The following UBE2D2 variants were observed in gnomAD, a reference collection of about 807,000 sequenced individuals.
UBE2D2 encodes ubiquitin-conjugating enzyme E2 D2.
A neutral mutation model predicts 24.2 loss-of-function variants in UBE2D2; 2 were observed. The ratio of observed to expected loss-of-function variants is 0.08; its 90% CI spans 0.03 to 0.26. The LOEUF (loss-of-function observed/expected upper bound fraction) is 0.26. UBE2D2 is among the 10% of genes least tolerant of loss of function. The pLI is 1.00. For synonymous variants in UBE2D2, 58 were observed against 56.5 expected, an observed-to-expected ratio of 1.03 and a Z score of -0.12; for missense variants, 44 against 177.6, an observed-to-expected ratio of 0.25 and a Z score of 4.28.
chr5:139,569,822 T>C (rs988870648), intron 1 of UBE2D2, among the ~76,000 whole-genome samples: 1 of 152,230 alleles, frequency 6.6e-6, no homozygotes, highest in East Asian at 1.9e-4. Context: ...TATCCTTACA[T>C]AGCTGTTAGG....
intron 1 of UBE2D2, among the ~76,000 whole-genome samples, chr5:139,591,928 G>A (rs892638533): frequency 4.1e-4 from 63 of 152,198 alleles, no homozygotes; most frequent in African/African-American, 1.3e-3. Flanking sequence ...GGCCGGGCGC[G>A]GTGGCTCATG....
chr5:139,527,973 A>G (rs890071493), intron 1 of UBE2D2, among the ~76,000 whole-genome samples: 1 of 152,242 alleles, frequency 6.6e-6, no homozygotes, highest in African/African-American at 2.4e-5. Context: ...CGTGGACTGC[A>G]TGGTAGCTCT....
At chr5:139,621,719 C>T (rs750060501) in intron 5 of UBE2D2, among the ~76,000 whole-genome samples, 4 of 152,026 alleles carry the variant, frequency 2.6e-5, no homozygotes, top group African/African-American at 7.2e-5. Context: ...ACCTCTTGGG[C>T]GTAAGTGATC....
intron 1 of UBE2D2, among the ~76,000 whole-genome samples, chr5:139,531,697 C>T (rs1752599497): frequency 6.6e-6 from 1 of 151,798 alleles, no homozygotes; most frequent in African/African-American, 2.4e-5. Context: ...CACTGTGGCA[C>T]ATGCCTGTAA....
exon 1 of UBE2D2, chr5:139,526,562 C>T (rs1170969469): frequency 6.6e-6 from 1 of 152,288 alleles, no homozygotes; most frequent in Non-Finnish European, 1.5e-5. Flanking sequence ...AACACAGTGG[C>T]TGAACACCGG....
chr5:139,606,798 A>G (rs1204656633), intron 2 of UBE2D2, among the ~76,000 whole-genome samples: 4 of 152,008 alleles, frequency 2.6e-5, no homozygotes, highest in Non-Finnish European at 4.4e-5. Context: ...AACCTCTAGT[A>G]ATTCTTGAGC....
intron 1 of UBE2D2, among the ~76,000 whole-genome samples, chr5:139,570,501 CG>C (rs1753332768): frequency 6.6e-6 from 1 of 151,866 alleles, no homozygotes; most frequent in African/African-American, 2.4e-5. Context: ...CCACCACGCC[CG>C]GCTAATTTTT....
intron 1 of UBE2D2, among the ~76,000 whole-genome samples, chr5:139,551,015 G>A (rs1343318605): frequency 6.6e-6 from 1 of 152,096 alleles, no homozygotes; most frequent in East Asian, 1.9e-4. Context: ...ATGGGAAAAA[G>A]CACAAGTGTG....
At chr5:139,592,316 C>T (rs1219881871) in intron 1 of UBE2D2, among the ~76,000 whole-genome samples, 1 of 152,152 alleles carries the variant, frequency 6.6e-6, no homozygotes, top group Non-Finnish European at 1.5e-5. Context: ...GCTTTCCCCT[C>T]AAATCTTCTT....
At chr5:139,585,383 T>TTTG (rs755522490) in intron 1 of UBE2D2, among the ~76,000 whole-genome samples, 16 of 151,828 alleles carry the variant, frequency 1.1e-4, no homozygotes, top group South Asian at 4.2e-4. Flanking sequence ...CCCGCTAATT[T>TTTG]TTGTTGTTGT....
intron 1 of UBE2D2, among the ~76,000 whole-genome samples, chr5:139,574,931 A>T (rs986786948): frequency 4.6e-5 from 7 of 152,200 alleles, no homozygotes; most frequent in Non-Finnish European, 8.8e-5. Flanking sequence ...TTTTGTTGTT[A>T]TTTTTTACAA....
At chr5:139,617,380 T>A (rs1754440597) in intron 5 of UBE2D2, among the ~76,000 whole-genome samples, 2 of 145,838 alleles carry the variant, frequency 1.4e-5, no homozygotes, top group Non-Finnish European at 3.0e-5. Flanking sequence ...ATTTTTTTTT[T>A]TTTTTTTTTT....
chr5:139,542,843 G>A (rs1752776631), intron 1 of UBE2D2, among the ~76,000 whole-genome samples: 1 of 152,144 alleles, frequency 6.6e-6, no homozygotes, highest in Admixed American at 6.6e-5. Context: ...AGTAAAATAA[G>A]CCAACTGTAT....
intron 1 of UBE2D2, among the ~76,000 whole-genome samples, chr5:139,579,408 A>G (rs1460213785): frequency 1.3e-5 from 2 of 152,098 alleles, no homozygotes; most frequent in Middle Eastern, 3.2e-3. Context: ...TGGCCTCCCA[A>G]AGTGCTGTGA....
chr5:139,584,860 T>G (rs1366854872), intron 1 of UBE2D2, among the ~76,000 whole-genome samples: 1 of 150,772 alleles, frequency 6.6e-6, no homozygotes, highest in African/African-American at 2.4e-5. Context: ...TCAAGTTCAG[T>G]AATTACATCA....
intron 1 of UBE2D2, among the ~76,000 whole-genome samples, chr5:139,533,183 A>G (rs966422220): frequency 6.6e-6 from 1 of 151,808 alleles, no homozygotes; most frequent in Non-Finnish European, 1.5e-5. Flanking sequence ...ATACACATAC[A>G]CACTTTTTTT....
At chr5:139,600,202 A>G (rs775276813) in intron 1 of UBE2D2, 170 bp from the exon 2 acceptor site, 1 of 778,220 alleles carries the variant, frequency 1.3e-6, no homozygotes, top group Non-Finnish European at 2.2e-6. Context: ...GCCTTGAAGA[A>G]TCCAAAATAC....
intron 1 of UBE2D2, among the ~76,000 whole-genome samples, chr5:139,591,009 C>T (rs1753835616): frequency 6.6e-6 from 1 of 151,214 alleles, no homozygotes; most frequent in South Asian, 2.1e-4. Flanking sequence ...GCTGGTCAGG[C>T]TGGTCTCGAA....
At chr5:139,603,598 G>T (rs1289521531) in intron 2 of UBE2D2, among the ~76,000 whole-genome samples, 1 of 146,320 alleles carries the variant, frequency 6.8e-6, no homozygotes, top group Non-Finnish European at 1.5e-5. Context: ...CTCCAGCCTG[G>T]GTGACAGAGT....
Sources: gnomAD v4.1 joint callset for allele counts (sites outside exome capture counted in the v4.1 genomes callset) on GRCh38, gnomAD v4.1.1 for gene constraint, MANE v1.5 for transcripts, NCBI Gene and HGNC (gene_info 2026-07-23, HGNC 2026-07-21) for gene names.